BSN: variants seen among roughly 807,000 people sequenced by gnomAD.
The protein encoded by BSN is protein bassoon.
In BSN, 57 loss-of-function variants were observed where a neutral mutation model predicts 264.8. That is an observed-to-expected ratio of 0.22 (90% CI 0.17 to 0.27). The LOEUF (loss-of-function observed/expected upper bound fraction) is 0.27, where lower values mean the gene tolerates loss of function less well. BSN is among the 10% of genes least tolerant of loss of function. The pLI is 1.00. For synonymous variants in BSN, 2,059 were observed against 2,137.3 expected (o/e 0.96, Z 1.01); for missense variants, 4,615 against 5,232.5 (o/e 0.88, Z 3.64).
intron 2 of BSN, among the ~76,000 whole-genome samples, chr3:49,628,330 C>T (rs1358768542): frequency 6.6e-6 from 1 of 152,144 alleles, no homozygotes; most frequent in Non-Finnish European, 1.5e-5. Flanking sequence ...CCCCACTGGG[C>T]AGTGGTCACC....
intron 2 of BSN, among the ~76,000 whole-genome samples, chr3:49,628,977 G>A (rs969857730): frequency 6.6e-6 from 1 of 152,090 alleles, no homozygotes. Flanking sequence ...TAACCTGTCC[G>A]AAACCACAGA....
intron 1 of BSN, among the ~76,000 whole-genome samples, chr3:49,610,254 C>G (rs1440015633): frequency 6.6e-6 from 1 of 152,174 alleles, no homozygotes; most frequent in South Asian, 2.1e-4. Flanking sequence ...TGTGAGAACA[C>G]TTGCTTTGTA....
chr3:49,665,000 C>G (rs1237909686), intron 10 of BSN, 147 bp downstream of exon 10: 7 of 667,624 alleles, frequency 1.0e-5, no homozygotes, highest in African/African-American at 7.2e-5. Context: ...GTTCCCTTCT[C>G]TGAATGTGGG....
chr3:49,603,550 C>T (rs1356805513), intron 1 of BSN, among the ~76,000 whole-genome samples: 2 of 152,090 alleles, frequency 1.3e-5, no homozygotes, highest in Admixed American at 6.6e-5. Context: ...TGAGTAGACC[C>T]TATGGGTCAG....
Position 49,656,781 on chromosome 3 carries a change from C to G in BSN, c.7225C>G (p.Gln2409Glu). The change falls in exon 5 of 12, where the codon CAG (glutamine) becomes GAG (glutamate). Residue 2409 changes from glutamine (Q) to glutamate (E), a missense_variant. Transcript: ENST00000296452. Reference sequence around the variant, plus strand: ...GCTGCAGAGGCACCGTGAGGAGGAGCAGCTGCTGGTGCAGCGGGAGTTGCA... The same window carrying G: ...GCTGCAGAGGCACCGTGAGGAGGAGGAGCTGCTGGTGCAGCGGGAGTTGCA... ...VELQRHREEE[Q>E]LLVQRELQEL... is the part of the protein sequence containing the mutation. The G allele has an allele frequency of 6.3e-7, 1 of 1,585,358 alleles. No homozygotes were observed. The highest frequency in any genetic ancestry group is 8.6e-7 in the Non-Finnish European group (1 of 1,166,046).
Position 49,633,769 on chromosome 3 carries a change from C to T in BSN, c.633+8386C>T, listed in dbSNP as rs947887854. Among the ~76,000 whole-genome samples, 4 of 152,116 alleles carry T rather than the reference C, an allele frequency of 2.6e-5. No homozygotes were observed. In the South Asian group the frequency reaches 8.3e-4, roughly 32 times the overall value. The stretch of plus-strand genomic sequence containing the variant: ...ATCATTCAGCCTTAAAGAGGAAGGA[C>T]AATCTGACACATGATACAACATGGA... On this transcript the variant is annotated intron_variant, in intron 2 of 11. Transcript: ENST00000296452.
intron 2 of BSN, among the ~76,000 whole-genome samples, chr3:49,636,824 A>G (rs1386667061): frequency 6.6e-6 from 1 of 152,224 alleles, no homozygotes; most frequent in Non-Finnish European, 1.5e-5. Flanking sequence ...GGCAGGCAAC[A>G]TGTCTATTGC....
intron 1 of BSN, among the ~76,000 whole-genome samples, chr3:49,606,321 A>AAAAATATATATAATATATATT (rs2052151106): frequency 8.7e-6 from 1 of 114,760 alleles, no homozygotes. Context: ...AATATATATT[A>AAAAATATATATAATATATATT]AAAATATATA....
Position 49,654,767 on chromosome 3 carries a change from C to T in BSN, c.5211C>T (p.Ala1737=), listed in dbSNP as rs1410077185. The T allele has an allele frequency of 6.2e-7, 1 of 1,613,694 alleles. No individual in the cohort carries two copies. The highest frequency in any genetic ancestry group is 8.5e-7 in the Non-Finnish European group (1 of 1,180,006). ...CCACCACCGTGAGCATCACCATGGC[C>T]TCGTCTGTGTTCATGGCTCAACAAA... ...ATATTVSITM[A]SSVFMAQQKQ... Residue 1737 remains alanine (A), a synonymous_variant, in exon 5 of 12, where the codon GCC becomes GCT. Transcript: ENST00000296452. This position sits in a 1 kb window ranked among gnomAD's most constrained non-coding sequence, Gnocchi z 4.1.
chr3:49,666,800 G>A (rs1388017783), intron 11 of BSN, among the ~76,000 whole-genome samples: 2 of 152,052 alleles, frequency 1.3e-5, no homozygotes, highest in Non-Finnish European at 2.9e-5. Context: ...GCCAGCTGGG[G>A]TGGGTTGTGC....
chr3:49,584,262 C>G (rs1384137762), intron 1 of BSN, among the ~76,000 whole-genome samples: 1 of 135,646 alleles, frequency 7.4e-6, no homozygotes, highest in Non-Finnish European at 1.5e-5. Context: ...ATCTTTTTTT[C>G]TTTGTTAAAA....
chr3:49,672,463 T>C (rs977556856), downstream of BSN, among the ~76,000 whole-genome samples: 2 of 151,084 alleles, frequency 1.3e-5, no homozygotes, highest in African/African-American at 4.9e-5. Flanking sequence ...TGCAGTGGCG[T>C]CAGAAAGTTG....
chr3:49,659,787 C>T (rs2052638242), intron 5 of BSN, among the ~76,000 whole-genome samples: 1 of 152,106 alleles, frequency 6.6e-6, no homozygotes, highest in South Asian at 2.1e-4. Flanking sequence ...GCACTGGTGG[C>T]TCCAGAGAAC....
intron 1 of BSN, among the ~76,000 whole-genome samples, chr3:49,617,213 C>T (rs1273378007): frequency 1.3e-5 from 2 of 150,826 alleles, no homozygotes; most frequent in African/African-American, 2.5e-5. Flanking sequence ...CACATGTATA[C>T]CTATGTAACA....
chr3:49,646,699 C>T (rs1020011100), intron 3 of BSN, among the ~76,000 whole-genome samples: 1 of 152,180 alleles, frequency 6.6e-6, no homozygotes, highest in African/African-American at 2.4e-5. Flanking sequence ...GGAAGCGTCC[C>T]CATGAGCCCC....
At chr3:49,617,150 T>C (rs972874073) in intron 1 of BSN, among the ~76,000 whole-genome samples, 1 of 152,054 alleles carries the variant, frequency 6.6e-6, no homozygotes, top group Non-Finnish European at 1.5e-5. Flanking sequence ...ATCTAATGCA[T>C]GTGGGGCTTA....
At chr3:49,635,024 C>T (rs1002912260) in intron 2 of BSN, among the ~76,000 whole-genome samples, 1 of 152,026 alleles carries the variant, frequency 6.6e-6, no homozygotes, top group Non-Finnish European at 1.5e-5. Context: ...TGCGAAGAGC[C>T]ATGATAGATT....
intron 3 of BSN, among the ~76,000 whole-genome samples, chr3:49,645,427 C>G (rs2052497842): frequency 6.6e-6 from 1 of 152,166 alleles, no homozygotes; most frequent in African/African-American, 2.4e-5. Flanking sequence ...ATCCTCACCT[C>G]CTCCTCTTTA....
At position 49,661,152 on chromosome 3, in the gene BSN, G is replaced by A; in HGVS notation, c.9307G>A (p.Glu3103Lys). ...TCCTCCTGGTGCCAGTTACCCAGCT[G>A]AGCCTGGCCTGCCAAACCAGCAGGC... ...AFPPGASYPA[E>K]PGLPNQQAFR... The change falls in exon 6 of 12, where the codon GAG becomes AAG. Residue 3103 changes from glutamate (E) to lysine (K), a missense_variant. Transcript: ENST00000296452. 4 of 1,612,956 alleles carry A rather than the reference G, an allele frequency of 2.5e-6. No individual in the cohort carries two copies. The highest frequency in any genetic ancestry group is 3.4e-6 in the Non-Finnish European group (4 of 1,179,928).
Sources: allele counts gnomAD v4.1 joint callset (sites outside exome capture counted in the v4.1 genomes callset), GRCh38; gene constraint gnomAD v4.1.1; non-coding constraint Gnocchi (gnomAD v3.1); transcripts MANE v1.5; gene names NCBI Gene and HGNC (gene_info 2026-07-23, HGNC 2026-07-21).